MYH11: variants seen among roughly 807,000 people sequenced by gnomAD.
The protein encoded by MYH11 is myosin-11.
MYH11 carries 80 observed loss-of-function variants against 246.6 expected under a neutral mutation model. The observed-to-expected ratio is 0.32, with a 90% CI of 0.27 to 0.39. The LOEUF (loss-of-function observed/expected upper bound fraction) is 0.39. Among genes scored for constraint, MYH11 ranks in the 10% least tolerant of loss-of-function variants. The pLI is 1.00. For missense variants in MYH11, 2,158 were observed against 2,546.8 expected, an observed-to-expected ratio of 0.85 and a Z score of 3.29; for synonymous variants, 1,071 against 1,015.5, an observed-to-expected ratio of 1.05 and a Z score of -1.04.
intron 36 of MYH11, chr16:15,718,785 T>C (rs2040308846): frequency 7.0e-6 from 3 of 430,624 alleles, no homozygotes; most frequent in Admixed American, 3.6e-5. Flanking sequence ...CTAACCACCA[T>C]GGGTCTGTCC....
intron 4 of MYH11, among the ~76,000 whole-genome samples, chr16:15,793,978 C>T (rs1484748263): frequency 4.0e-5 from 5 of 126,282 alleles, no homozygotes; most frequent in Non-Finnish European, 6.5e-5. Context: ...GAGTCTCGCT[C>T]TGTCACCCAG....
At chr16:15,804,513 C>G (rs1567187390) in intron 3 of MYH11, among the ~76,000 whole-genome samples, 1 of 151,956 alleles carries the variant, frequency 6.6e-6, no homozygotes, top group Non-Finnish European at 1.5e-5. Flanking sequence ...CAGAGGGAGA[C>G]TCCATCTCAA....
At chr16:15,797,825 C>T (rs1241972717) in intron 4 of MYH11, among the ~76,000 whole-genome samples, 1 of 152,020 alleles carries the variant, frequency 6.6e-6, no homozygotes, top group Non-Finnish European at 1.5e-5. Flanking sequence ...ATACTGTAAA[C>T]AAGTGTCCTT....
In MYH11 at chr16:15,759,776, T is replaced by A. The variant is rs765866450; in HGVS notation, c.1249-48A>T. ...CCCGGTTATTCTCAATGGGCTCCAT[T>A]TTCACATAAGCCAGGCTGGTGGTGA... On this transcript the variant is annotated intron_variant, in intron 11 of 40. Coordinates refer to ENST00000300036, the MANE Select transcript of MYH11 (RefSeq NM_002474.3). The A allele has an allele frequency of 1.1e-5, 18 of 1,610,006 alleles. No individual in the cohort carries two copies. In the African/African-American group the frequency reaches 2.3e-4, roughly 20 times the overall value.
intron 4 of MYH11, 121 bp downstream of exon 4, chr16:15,798,539 C>A: frequency 9.6e-7 from 1 of 1,044,704 alleles, no homozygotes. Context: ...GCACTTGGAA[C>A]CATGAACAAA....
chr16:15,821,524 T>C (rs891592981), intron 3 of MYH11, among the ~76,000 whole-genome samples: 2 of 152,268 alleles, frequency 1.3e-5, no homozygotes, highest in East Asian at 3.9e-4. Context: ...TAGAAATGCT[T>C]ACCCATCTGT....
intron 27 of MYH11, among the ~76,000 whole-genome samples, chr16:15,731,871 C>T (rs143687464): frequency 0.018 from 2,726 of 152,202 alleles, 97 homozygotes; most frequent in African/African-American, 0.062. Flanking sequence ...TCACTGCAGC[C>T]TCAACCTCCC....
intron 27 of MYH11, among the ~76,000 whole-genome samples, chr16:15,729,739 C>T (rs1308878328): frequency 6.6e-5 from 10 of 151,900 alleles, no homozygotes; most frequent in African/African-American, 9.7e-5. Context: ...TTAGTAGAGA[C>T]GGGGTTTTGC....
chr16:15,714,505 G>C (rs1596693876), intron 40 of MYH11: 1 of 327,534 alleles, frequency 3.1e-6, no homozygotes, highest in South Asian at 3.2e-5. Context: ...CAGTGCTGAG[G>C]GGGAGAAAGG....
At chr16:15,761,549 G>C (rs1000089132) in intron 10 of MYH11, among the ~76,000 whole-genome samples, 1 of 152,056 alleles carries the variant, frequency 6.6e-6, no homozygotes, top group Non-Finnish European at 1.5e-5. Context: ...CAAAATGCTA[G>C]AGTCAACCTA....
At chr16:15,776,290 G>C in intron 7 of MYH11, 114 bp from the exon 8 acceptor site, 1 of 770,204 alleles carries the variant, frequency 1.3e-6, no homozygotes, top group Admixed American at 1.8e-5. Context: ...TCTACCCCTG[G>C]GATCGGTAAT....
intron 10 of MYH11, 55 bp downstream of exon 10, chr16:15,763,741 T>TCGGGGGGGCCCCCCCCCCC: frequency 1.5e-6 from 1 of 646,862 alleles, no homozygotes; most frequent in East Asian, 3.2e-5. Flanking sequence ...AAATGTCACC[T>TCGGGGGGGCCCCCCCCCCC]CCCCCACCCC....
intron 10 of MYH11, among the ~76,000 whole-genome samples, chr16:15,763,554 A>G (rs1340276079): frequency 2.0e-5 from 3 of 152,158 alleles, no homozygotes; most frequent in Admixed American, 6.5e-5. Flanking sequence ...TATTTAAAAA[A>G]AAGAACAAAT....
In MYH11 at chr16:15,734,138, A is replaced by G. The variant is rs142310154; in HGVS notation, c.3506+1228T>C. Among the ~76,000 whole-genome samples the G allele has an allele frequency of 4.2e-3, 646 of 152,328 alleles. 9 individuals are homozygous for G. Among genetic ancestry groups the G allele is most frequent in the African/African-American group, 0.014 (597 of 41,572 alleles). On this transcript the variant is annotated intron_variant, in intron 26 of 40. Coordinates refer to ENST00000300036, the MANE Select transcript of MYH11 (RefSeq NM_002474.3). ...TTTGTTCATTTGAAGTGAATCTTCA[A>G]TTGAAAACCAATCTGATCAATTTTA...
intron 40 of MYH11, among the ~76,000 whole-genome samples, chr16:15,704,758 T>C (rs1319075012): frequency 6.6e-6 from 1 of 152,230 alleles, no homozygotes; most frequent in Admixed American, 6.5e-5. Context: ...GCATCTGTTT[T>C]GCTGATCGTG....
Position 15,788,794 on chromosome 16 carries a change from ATATATGTG to A in MYH11, c.531-2070_531-2063del, listed in dbSNP as rs1455514605. On this transcript the variant is annotated intron_variant, in intron 4 of 40. Transcript: ENST00000300036. ...CCCAGAAGGGGAAACTAAGACCAGA[ATATATGTG>A]TGTGTGTGTGTGTGTGTGTGTGTGT... 2.9e-4 allele frequency among the ~76,000 whole-genome samples: 31 copies of A among 107,784 alleles called. 1 individual carries two copies. The highest frequency in any genetic ancestry group is 9.8e-4 in the African/African-American group (27 of 27,558). 70.7% of individuals were successfully genotyped at this position (107,784 alleles called of 152,430 possible).
At chr16:15,826,588 A>G (rs2043571504) in intron 2 of MYH11, among the ~76,000 whole-genome samples, 1 of 140,080 alleles carries the variant, frequency 7.1e-6, no homozygotes, top group African/African-American at 3.1e-5. Context: ...ACCTTGTCTC[A>G]AAAAAGAAAA....
In MYH11 at chr16:15,715,204, A is replaced by C. The variant is rs794728670; in HGVS notation, c.5573T>G (p.Val1858Gly). Residue 1858 changes from valine to glycine, a missense_variant, in exon 39 of 41, where the codon GTG becomes GGG. By Grantham distance (109) the Val-to-Gly change is moderately radical. This residue lies in a region of MYH11 where 1,013 missense variants were observed against 993.5 expected (regional missense o/e 1.02). Coordinates refer to ENST00000300036, the MANE Select transcript of MYH11 (RefSeq NM_002474.3). Reference sequence around the variant, plus strand: ...CTCGGCCATCTTGCGCTCGTCCTCCACCTGCAGCAAGATTTCCTTCAGCTT... The same window carrying C: ...CTCGGCCATCTTGCGCTCGTCCTCCCCCTGCAGCAAGATTTCCTTCAGCTT... ...DKKLKEILLQ[V>G]EDERKMAEQY... 1 of 1,613,922 alleles carries C rather than the reference A, an allele frequency of 6.2e-7. No individual in the cohort carries two copies. The highest frequency in any genetic ancestry group is 8.5e-7 in the Non-Finnish European group (1 of 1,180,002).
intron 19 of MYH11, among the ~76,000 whole-genome samples, chr16:15,745,845 C>G (rs946278532): frequency 6.6e-6 from 1 of 152,090 alleles, no homozygotes; most frequent in South Asian, 2.1e-4. Flanking sequence ...CCTTGGCCTC[C>G]CAAAGTGCTG....
Sources: allele counts gnomAD v4.1 joint callset (sites outside exome capture counted in the v4.1 genomes callset), GRCh38; gene constraint gnomAD v4.1.1; regional missense constraint gnomAD v4.1.1; transcripts MANE v1.5; gene names NCBI Gene and HGNC (gene_info 2026-07-23, HGNC 2026-07-21).